Variants in CCR6 observed in about 807,000 individuals in gnomAD.
CCR6 encodes C-C chemokine receptor type 6.
A neutral mutation model predicts 3.0 loss-of-function variants in CCR6; 2 were observed. The ratio of observed to expected loss-of-function variants is 0.66; its 90% CI spans 0.27 to 2.07. The LOEUF (loss-of-function observed/expected upper bound fraction) is 2.07, where lower values mean the gene tolerates loss of function less well. CCR6 is among the 30% of genes most tolerant of loss of function. The pLI is 0.14. For missense variants in CCR6, 322 were observed against 462.8 expected, an observed-to-expected ratio of 0.70 and a Z score of 2.79; for synonymous variants, 193 against 184.3, an observed-to-expected ratio of 1.05 and a Z score of -0.38.
chr6:167,132,113 C>T, intron 1 of CCR6, among the ~76,000 whole-genome samples: 1 of 152,102 alleles, frequency 6.6e-6, no homozygotes, highest in East Asian at 1.9e-4. Context: ...GATTTCTTAC[C>T]GAGCGAAGGT....
chr6:167,123,609 A>G (rs935789285), intron 1 of CCR6, among the ~76,000 whole-genome samples: 5 of 152,244 alleles, frequency 3.3e-5, no homozygotes, highest in Non-Finnish European at 7.3e-5. Context: ...TTTTGGAGGC[A>G]GTAAGTCATT....
intron 1 of CCR6, among the ~76,000 whole-genome samples, chr6:167,113,986 A>G (rs1781452648): frequency 6.6e-6 from 1 of 152,230 alleles, no homozygotes; most frequent in South Asian, 2.1e-4. Flanking sequence ...GATAAAATAG[A>G]CATGAGATCT....
At chr6:167,134,571 C>G (rs1370068528) in intron 1 of CCR6, among the ~76,000 whole-genome samples, 1 of 152,188 alleles carries the variant, frequency 6.6e-6, no homozygotes, top group East Asian at 1.9e-4. Context: ...TCAGGGTGAA[C>G]TTTGTGTTAC....
intron 1 of CCR6, among the ~76,000 whole-genome samples, chr6:167,133,802 C>A (rs1781804590): frequency 6.6e-6 from 1 of 150,760 alleles, no homozygotes; most frequent in South Asian, 2.1e-4. Flanking sequence ...TTAATTTTTG[C>A]CAACAATGTT....
upstream of CCR6, among the ~76,000 whole-genome samples, chr6:167,118,154 CTT>C (rs1781530715): frequency 6.6e-6 from 1 of 152,116 alleles, no homozygotes. Flanking sequence ...TAAGCCCCCT[CTT>C]TATGACTCAA....
At position 167,136,928 on chromosome 6, in the gene CCR6, G is replaced by A. The variant is rs746526009; in HGVS notation, c.698G>A (p.Cys233Tyr). ...FFIPLMFMIF[C>Y]YTFIVKTLVQ... is the part of the protein sequence containing the mutation. ...ATCCCTTTGATGTTCATGATATTTT[G>A]TTACACGTTCATTGTCAAAACCTTG... Residue 233 changes from cysteine (C) to tyrosine (Y), a missense_variant, in exon 3 of 3, where the codon TGT (cysteine) becomes TAT (tyrosine). Transcript: ENST00000341935. This position sits in a 1 kb window ranked among gnomAD's most constrained non-coding sequence, Gnocchi z 4.6. 3 of 1,614,118 alleles carry A rather than the reference G, an allele frequency of 1.9e-6. No individual in the cohort carries two copies. The highest frequency in any genetic ancestry group is 2.5e-6 in the Non-Finnish European group (3 of 1,180,034).
At chr6:167,133,187 T>G (rs1201787449) in intron 1 of CCR6, among the ~76,000 whole-genome samples, 3 of 152,236 alleles carry the variant, frequency 2.0e-5, no homozygotes, top group Non-Finnish European at 4.4e-5. Context: ...ATAAGAAGCT[T>G]CTTTTTCCAG....
chr6:167,124,080 C>G (rs749702144), intron 1 of CCR6, among the ~76,000 whole-genome samples: 4 of 152,158 alleles, frequency 2.6e-5, no homozygotes, highest in African/African-American at 4.8e-5. Context: ...CTACTGCACT[C>G]CAGCCGGAGA....
intron 1 of CCR6, among the ~76,000 whole-genome samples, chr6:167,134,656 G>A (rs1781822677): frequency 6.6e-6 from 1 of 151,730 alleles, no homozygotes; most frequent in Admixed American, 6.6e-5. Context: ...GTGTGGGGGC[G>A]AGGAGGGCAG....
rs529916368 is a variant in CCR6, at chr6:167,113,880, TC to T, written c.-98+1868del. On this transcript the variant is annotated intron_variant, in intron 1 of 2. Transcript: ENST00000400926. Reference sequence around the variant, plus strand: ...CATTCCTCTTTACTTTTTAAAGCACTCCTATTTTGGGGGGTAGAATGAGAAG... The same window carrying T: ...CATTCCTCTTTACTTTTTAAAGCACTCTATTTTGGGGGGTAGAATGAGAAG... 5.9e-3 allele frequency among the ~76,000 whole-genome samples: 896 copies of T among 152,244 alleles called. 3 individuals carry two copies. Among genetic ancestry groups the T allele is most frequent in the Non-Finnish European group, 9.3e-3 (634 of 68,006 alleles).
chr6:167,128,478 T>C (rs1242383075), intron 1 of CCR6, among the ~76,000 whole-genome samples: 1 of 152,270 alleles, frequency 6.6e-6, no homozygotes, highest in African/African-American at 2.4e-5. Context: ...TTAACTAGCC[T>C]CTTGGTGAGA....
chr6:167,124,979 C>T (rs974621947), intron 1 of CCR6, among the ~76,000 whole-genome samples: 1 of 152,150 alleles, frequency 6.6e-6, no homozygotes, highest in Non-Finnish European at 1.5e-5. Context: ...TGTATACACA[C>T]ATGTGCACAC....
At chr6:167,124,955 TACAC>T (rs1781648172) in intron 1 of CCR6, among the ~76,000 whole-genome samples, 1 of 151,798 alleles carries the variant, frequency 6.6e-6, no homozygotes, top group Admixed American at 6.6e-5. Flanking sequence ...CACATGCAAA[TACAC>T]ACATACACAT....
chr6:167,128,312 T>C (rs1781702136), intron 1 of CCR6, among the ~76,000 whole-genome samples: 1 of 152,238 alleles, frequency 6.6e-6, no homozygotes, highest in African/African-American at 2.4e-5. Flanking sequence ...GGGGCCATGA[T>C]TCTGCCGACA....
In CCR6 at chr6:167,136,335, G is replaced by A. The variant is rs775673474; in HGVS notation, c.105G>A (p.Leu35=). ...ACTCAGTTGATTCTGAGATGTTACT[G>A]TGCTCCTTGCAGGAGGTCAGGCAGT... ...SYYSVDSEML[L]CSLQEVRQFS... The change falls in exon 3 of 3, where the codon CTG becomes CTA. Residue 35 remains leucine, a synonymous_variant. Transcript: ENST00000341935. This position sits in a 1 kb window ranked among gnomAD's most constrained non-coding sequence, Gnocchi z 4.6. 6 of 1,614,108 alleles carry A rather than the reference G, an allele frequency of 3.7e-6. No individual in the cohort carries two copies. The highest frequency in any genetic ancestry group is 4.2e-6 in the Non-Finnish European group (5 of 1,180,004).
chr6:167,127,884 G>A (rs1379938300), intron 1 of CCR6, among the ~76,000 whole-genome samples: 7 of 152,236 alleles, frequency 4.6e-5, no homozygotes, highest in African/African-American at 7.2e-5. Flanking sequence ...TCTGGTCCTC[G>A]CCCAATCCAG....
intron 1 of CCR6, among the ~76,000 whole-genome samples, chr6:167,134,400 A>G (rs979716286): frequency 9.2e-5 from 14 of 152,048 alleles, no homozygotes; most frequent in African/African-American, 3.4e-4. Context: ...TGCAGAGGTG[A>G]CTCCATACCT....
intron 1 of CCR6, chr6:167,126,700 C>T (rs1039650131): frequency 2.0e-5 from 3 of 152,284 alleles, no homozygotes; most frequent in African/African-American, 7.2e-5. Context: ...TTGGCTGTGT[C>T]CCCATCCAAA....
chr6:167,116,990 G>A (rs1562554483), intron 1 of CCR6: 1 of 152,266 alleles, frequency 6.6e-6, no homozygotes, highest in Non-Finnish European at 1.5e-5. Context: ...CTCCCCTCCC[G>A]CGGTGGGTGG....
Sources: allele counts gnomAD v4.1 joint callset (sites outside exome capture counted in the v4.1 genomes callset), GRCh38; gene constraint gnomAD v4.1.1; non-coding constraint Gnocchi (gnomAD v3.1); transcripts MANE v1.5; gene names NCBI Gene and HGNC (gene_info 2026-07-23, HGNC 2026-07-21).